Variants in ESRRG observed in about 807,000 individuals in gnomAD.
The protein encoded by ESRRG is estrogen-related receptor gamma.
In ESRRG, 13 loss-of-function variants were observed where a neutral mutation model predicts 44.0. The ratio of observed to expected loss-of-function variants is 0.30; its 90% confidence interval spans 0.19 to 0.47. ESRRG has a LOEUF of 0.47. ESRRG is among the 20% of genes least tolerant of loss of function. The pLI is 1.00. For synonymous variants in ESRRG, 215 were observed against 214.6 expected (o/e 1.00, Z -0.02); for missense variants, 395 against 580.6 (o/e 0.68, Z 3.29).
intron 3 of ESRRG, among the ~76,000 whole-genome samples, chr1:216,572,644 T>A (rs181984896): frequency 6.6e-6 from 1 of 151,900 alleles, no homozygotes; most frequent in African/African-American, 2.4e-5. Context: ...TCTCAGAAAA[T>A]CAAATATCAA....
At chr1:216,852,553 A>C (rs2095857942) in intron 2 of ESRRG, among the ~76,000 whole-genome samples, 2 of 152,202 alleles carry the variant, frequency 1.3e-5, no homozygotes, top group South Asian at 2.1e-4. Flanking sequence ...CCTGAAAGGC[A>C]AGAAAAAAAA....
chr1:217,080,822 C>A lies in ESRRG; in HGVS notation c.-106+8685G>T, dbSNP rs550693303. On this transcript the variant is annotated intron_variant, in intron 1 of 7. Transcript: ENST00000359162. Reference sequence around the variant, plus strand: ...CCTCCCTAGTAGCTGGGACTACAGGCGCCCGCCATCATGACCAGTTAATTT... The same window carrying A: ...CCTCCCTAGTAGCTGGGACTACAGGAGCCCGCCATCATGACCAGTTAATTT... Among the ~76,000 whole-genome samples, 7 of 151,878 alleles carry A rather than the reference C, an allele frequency of 4.6e-5. No homozygotes were observed. In the South Asian group the frequency reaches 1.2e-3, roughly 27 times the overall value.
At chr1:216,576,532 G>A (rs1008542032) in intron 3 of ESRRG, among the ~76,000 whole-genome samples, 2 of 152,062 alleles carry the variant, frequency 1.3e-5, no homozygotes, top group East Asian at 3.9e-4. Flanking sequence ...CCTCCGTTTC[G>A]GATTCAAGTT....
chr1:217,063,524 T>G lies in ESRRG; in HGVS notation c.-106+25983A>C, dbSNP rs142400415. On this transcript the variant is annotated intron_variant, in intron 1 of 7. Coordinates refer to the ESRRG transcript ENST00000359162. Reference sequence around the variant, plus strand: ...ACATCAGTTAGGTTACCCAACCACGTGGGGCCTACCATAAAAAAGGGCTGC... The same window carrying G: ...ACATCAGTTAGGTTACCCAACCACGGGGGGCCTACCATAAAAAAGGGCTGC... 2.0e-3 allele frequency among the ~76,000 whole-genome samples: 299 copies of G among 152,288 alleles called. 2 individuals are homozygous for G. The highest frequency in any genetic ancestry group is 6.9e-3 in the African/African-American group (288 of 41,562).
chr1:216,781,071 C>T (rs1244791117), intron 2 of ESRRG, among the ~76,000 whole-genome samples: 1 of 151,920 alleles, frequency 6.6e-6, no homozygotes, highest in South Asian at 2.1e-4. Flanking sequence ...AATTAATAAG[C>T]AATGTCAATC....
intron 1 of ESRRG, among the ~76,000 whole-genome samples, chr1:216,980,379 G>A (rs1018793033): frequency 6.6e-6 from 1 of 152,078 alleles, no homozygotes; most frequent in Admixed American, 6.6e-5. Context: ...ACAACATTGA[G>A]ACAATGCACA....
intron 1 of ESRRG, among the ~76,000 whole-genome samples, chr1:217,014,936 C>A (rs908820094): frequency 6.6e-6 from 1 of 152,066 alleles, no homozygotes; most frequent in Non-Finnish European, 1.5e-5. Flanking sequence ...CATTCCACAG[C>A]GATTCATTAC....
intron 1 of ESRRG, among the ~76,000 whole-genome samples, chr1:216,680,663 T>A (rs1407886151): frequency 6.6e-6 from 1 of 152,222 alleles, no homozygotes; most frequent in Non-Finnish European, 1.5e-5. Flanking sequence ...TGTCTCCTAA[T>A]TACTACTTAG....
In ESRRG at chr1:216,973,597, C is replaced by T. The variant is rs534722261; in HGVS notation, c.-105-33924G>A. ...ATCCCAGCACTTTGGGAGGCCGAGG[C>T]GGGTGGATCACCTGAGGTCGGGAGT... On this transcript the variant is annotated intron_variant, in intron 1 of 7. Coordinates refer to the ESRRG transcript ENST00000359162. 7.2e-5 allele frequency among the ~76,000 whole-genome samples: 11 copies of T among 152,122 alleles called. No homozygotes were observed. The South Asian group carries it at 2.1e-3, about 29-fold the overall frequency.
chr1:216,665,770 A>T (rs2073781629), intron 2 of ESRRG, among the ~76,000 whole-genome samples: 1 of 152,204 alleles, frequency 6.6e-6, no homozygotes, highest in South Asian at 2.1e-4. Context: ...TAAAAGCTAA[A>T]ATACTACACC....
At chr1:216,784,335 T>A (rs905103109) in intron 2 of ESRRG, among the ~76,000 whole-genome samples, 10 of 152,090 alleles carry the variant, frequency 6.6e-5, no homozygotes, top group African/African-American at 2.4e-4. Context: ...TGCTTTGGAT[T>A]AAAATAAGTT....
chr1:216,682,980 GAAGA>G (rs527339954), intron 1 of ESRRG, among the ~76,000 whole-genome samples: 16 of 152,264 alleles, frequency 1.1e-4, no homozygotes, highest in Non-Finnish European at 1.8e-4. Flanking sequence ...TGGTGATGCT[GAAGA>G]AAGGGAAAGC....
At chr1:216,714,621 T>C in intron 1 of ESRRG, 1 of 905,786 alleles carries the variant, frequency 1.1e-6, no homozygotes, top group Non-Finnish European at 1.3e-6. Flanking sequence ...CTCTAGACAT[T>C]AAAGTTTTGT....
At chr1:216,536,779 G>A (rs997149145) in intron 5 of ESRRG, among the ~76,000 whole-genome samples, 1 of 151,986 alleles carries the variant, frequency 6.6e-6, no homozygotes, top group Non-Finnish European at 1.5e-5. Flanking sequence ...ATCATGAGCT[G>A]GGCATTATGA....
At chr1:216,523,513 T>G (rs1018884354) in intron 5 of ESRRG, among the ~76,000 whole-genome samples, 3 of 151,666 alleles carry the variant, frequency 2.0e-5, no homozygotes, top group Non-Finnish European at 4.4e-5. Flanking sequence ...TTTTTTTTTT[T>G]TTTTAGCCTG....
chr1:216,633,794 T>C (rs766446860), intron 3 of ESRRG, among the ~76,000 whole-genome samples: 29 of 152,248 alleles, frequency 1.9e-4, no homozygotes, highest in Non-Finnish European at 1.0e-4. Context: ...TCATGACATT[T>C]TATTCTGAGA....
rs183453386 is a variant in ESRRG at position 216,721,574 on chromosome 1, C to A, written c.56+1670G>T. On this transcript the variant is annotated intron_variant, in intron 1 of 6. Coordinates refer to ENST00000408911, the MANE Select transcript of ESRRG (RefSeq NM_001438.4). ...CATGTGCCTTGACTTCATTTAAATG[C>A]ATCTGCTTTAAGAGGCTTATCTAAA... is the stretch of plus-strand genomic sequence containing the variant. Among the ~76,000 whole-genome samples, 3 of 152,332 alleles carry A rather than the reference C, an allele frequency of 2.0e-5. No homozygotes were observed. In the East Asian group the frequency reaches 5.8e-4, roughly 29 times the overall value.
chr1:217,077,649 C>T (rs541502654), intron 1 of ESRRG, among the ~76,000 whole-genome samples: 1 of 152,276 alleles, frequency 6.6e-6, no homozygotes, highest in South Asian at 2.1e-4. Context: ...ACAGACAGCA[C>T]TGGGTAGGAT....
At chr1:216,627,505 G>A (rs1574364682) in intron 3 of ESRRG, among the ~76,000 whole-genome samples, 1 of 152,044 alleles carries the variant, frequency 6.6e-6, no homozygotes, top group Non-Finnish European at 1.5e-5. Context: ...TGCCAGCTTT[G>A]CTTACTCTAC....
Sources: allele counts gnomAD v4.1 joint callset (sites outside exome capture counted in the v4.1 genomes callset), GRCh38; gene constraint gnomAD v4.1.1; transcripts MANE v1.5; gene names NCBI Gene and HGNC (gene_info 2026-07-23, HGNC 2026-07-21).